TP63: variants seen among roughly 807,000 people sequenced by gnomAD.
TP63 encodes the protein tumor protein 63.
A neutral mutation model predicts 82.8 loss-of-function variants in TP63; 17 were observed. The observed-to-expected ratio is 0.21, with a 90% CI of 0.14 to 0.31. TP63 has a LOEUF of 0.31. TP63 is among the 10% of genes least tolerant of loss of function. TP63 has a pLI of 1.00. For missense variants in TP63, 648 were observed against 895.3 expected (o/e 0.72, Z 3.52); for synonymous variants, 330 against 321.7 (o/e 1.03, Z -0.28).
At chr3:189,766,943 T>G (rs570220238) in intron 3 of TP63, among the ~76,000 whole-genome samples, 7 of 152,178 alleles carry the variant, frequency 4.6e-5, no homozygotes, top group Admixed American at 3.3e-4. Context: ...ACACCTCCTA[T>G]CCCTCACCCT....
rs777952899 is a variant in TP63 at position 189,894,356 on chromosome 3, A to G, written c.1897A>G (p.Thr633Ala). ...ASTVSVGSSETRGERVIDAVR... is the reference protein window; with the variant it reads ...ASTVSVGSSEARGERVIDAVR... ...TACAGTCAGTGTGGGCTCCAGTGAG[A>G]CCCGGGGTGAGCGTGTTATTGATGC... The change falls in exon 14 of 14, where the codon ACC (threonine) becomes GCC (alanine). Residue 633 changes from threonine to alanine, a missense_variant. By Grantham distance (58) the Thr-to-Ala change is moderately conservative. Around this residue, in one of 5 missense-constraint regions of TP63, gnomAD observed 342 missense variants for 425.7 expected, o/e 0.80. Coordinates refer to ENST00000264731, the MANE Select transcript of TP63 (RefSeq NM_003722.5). 1.2e-6 allele frequency: 2 copies of G among 1,613,450 alleles called. No homozygotes were observed. Among genetic ancestry groups the G allele is most frequent in the Admixed American group, 3.3e-5 (2 of 59,924 alleles).
intron 4 of TP63, among the ~76,000 whole-genome samples, chr3:189,845,036 C>T (rs1157703572): frequency 3.3e-5 from 5 of 152,098 alleles, no homozygotes; most frequent in Non-Finnish European, 5.9e-5. Context: ...TTTAATTTGG[C>T]AGTCCCAAGG....
intron 1 of TP63, among the ~76,000 whole-genome samples, chr3:189,703,564 A>G (rs1717980882): frequency 1.3e-5 from 2 of 152,172 alleles, no homozygotes; most frequent in Admixed American, 6.5e-5. Context: ...TAGGGTGTGC[A>G]TAAGATGATA....
chr3:189,672,650 GAGGAAGGAAGGAAAGAAGGA>G (rs1468812632), intron 1 of TP63, among the ~76,000 whole-genome samples: 2 of 103,028 alleles, frequency 1.9e-5, no homozygotes, highest in Admixed American at 1.2e-4. Context: ...GGGAGGGAGG[GAGGAAGGAAGGAAAGAAGGA>G]AGGAAGGAAG....
chr3:189,621,644 ATATT>A, the TP63 span, among the ~76,000 whole-genome samples: 6 of 152,024 alleles, frequency 3.9e-5, no homozygotes, highest in African/African-American at 1.4e-4. Flanking sequence ...TTATCACTCT[ATATT>A]TATTCTCTCT....
At chr3:189,889,591 C>A in intron 12 of TP63, 107 bp downstream of exon 12, 1 of 1,494,914 alleles carries the variant, frequency 6.7e-7, no homozygotes, top group South Asian at 1.2e-5. Context: ...AGACAGCAGT[C>A]CTGTGGTTGG....
At chr3:189,688,700 G>T (rs900337293) in intron 1 of TP63, among the ~76,000 whole-genome samples, 3 of 152,144 alleles carry the variant, frequency 2.0e-5, no homozygotes, top group Non-Finnish European at 4.4e-5. Flanking sequence ...ACAGTATCTG[G>T]CTTCACCAGT....
intron 1 of TP63, among the ~76,000 whole-genome samples, chr3:189,669,472 G>A (rs1443700380): frequency 6.6e-6 from 1 of 151,882 alleles, no homozygotes; most frequent in African/African-American, 2.4e-5. Flanking sequence ...TAAATAATTG[G>A]GCAAATAGAA....
At chr3:189,694,785 A>G (rs867053812) in intron 1 of TP63, among the ~76,000 whole-genome samples, 1 of 72,250 alleles carries the variant, frequency 1.4e-5, no homozygotes, top group Non-Finnish European at 3.2e-5. Context: ...GCCAGTATTT[A>G]CAGCCTTTTT....
At chr3:189,819,202 C>T (rs1207729469) in intron 4 of TP63, among the ~76,000 whole-genome samples, 2 of 152,160 alleles carry the variant, frequency 1.3e-5, no homozygotes, top group Admixed American at 6.5e-5. Context: ...AACTAAGACA[C>T]GTAAGATAGT....
chr3:189,672,704 G>GGAAGGAAGGAAA (rs1560100136), intron 1 of TP63, among the ~76,000 whole-genome samples: 1 of 146,680 alleles, frequency 6.8e-6, no homozygotes, highest in African/African-American at 2.5e-5. Flanking sequence ...AAGGAAGGAA[G>GGAAGGAAGGAAA]GAAAGAAGGA....
intron 1 of TP63, among the ~76,000 whole-genome samples, chr3:189,714,100 C>A (rs1421595722): frequency 6.6e-6 from 1 of 152,050 alleles, no homozygotes; most frequent in Non-Finnish European, 1.5e-5. Context: ...TCCTCAGTGC[C>A]AAATGATTAT....
At chr3:189,738,210 AC>A (rs1470886890) in intron 2 of TP63, among the ~76,000 whole-genome samples, 1 of 152,206 alleles carries the variant, frequency 6.6e-6, no homozygotes, top group Non-Finnish European at 1.5e-5. Flanking sequence ...AGAAGATAAA[AC>A]ACTAAATTTT....
chr3:189,880,678 G>T, intron 10 of TP63: 1 of 985,394 alleles, frequency 1.0e-6, no homozygotes, highest in African/African-American at 1.7e-5. Context: ...CCCTTTTAAT[G>T]CTGGTCATGT....
intron 1 of TP63, among the ~76,000 whole-genome samples, chr3:189,683,506 G>A (rs1020784827): frequency 2.6e-5 from 4 of 152,106 alleles, no homozygotes; most frequent in Non-Finnish European, 4.4e-5. Flanking sequence ...TGACAACTCA[G>A]TTGCTAAAAT....
chr3:189,769,097 A>G lies in TP63; in HGVS notation c.324+30323A>G, dbSNP rs551685102. Among the ~76,000 whole-genome samples the G allele has an allele frequency of 3.3e-5, 5 of 152,308 alleles. No individual in the cohort carries two copies. In the South Asian group the frequency reaches 1.0e-3, roughly 32 times the overall value. On this transcript the variant is annotated intron_variant, in intron 3 of 13. Coordinates refer to ENST00000264731, the MANE Select transcript of TP63 (RefSeq NM_003722.5). ...ACCTTCCTCATAGGCTGATGTGAGA[A>G]TTAAAACAAACCATGTATATAAAGT...
Position 189,715,602 on chromosome 3 carries a change from G to A in TP63, c.63-22138G>A, listed in dbSNP as rs1055180820. On this transcript the variant is annotated intron_variant, in intron 1 of 13. Transcript: ENST00000264731. ...CCCTTAATAAGGTCACGGGTTGTGA[G>A]TCTGAAACCGTCTCTCTGGTGGTTT... is the stretch of plus-strand genomic sequence containing the variant. Among the ~76,000 whole-genome samples the A allele has an allele frequency of 2.8e-4, 43 of 152,204 alleles. 1 individual carries two copies. The highest frequency in any genetic ancestry group is 2.8e-3 in the Admixed American group (43 of 15,284).
At chr3:189,735,331 T>C (rs893067278) in intron 1 of TP63, among the ~76,000 whole-genome samples, 1 of 152,170 alleles carries the variant, frequency 6.6e-6, no homozygotes, top group Admixed American at 6.5e-5. Flanking sequence ...ACTTTTGGTC[T>C]ATTTTTCTTC....
chr3:189,706,607 G>C (rs1315161873), intron 1 of TP63, among the ~76,000 whole-genome samples: 5 of 152,086 alleles, frequency 3.3e-5, no homozygotes, highest in African/African-American at 9.7e-5. Context: ...CCCATCTTCT[G>C]CCGTGGGCTC....
Sources: gnomAD v4.1 joint callset for allele counts (sites outside exome capture counted in the v4.1 genomes callset) on GRCh38, gnomAD v4.1.1 for gene constraint, gnomAD v4.1.1 regional missense constraint, MANE v1.5 for transcripts, NCBI Gene and HGNC (gene_info 2026-07-23, HGNC 2026-07-21) for gene names.